Variants in VAV3 observed in about 807,000 individuals in gnomAD.
The protein encoded by VAV3 is guanine nucleotide exchange factor VAV3.
Under a neutral mutation model 131.2 loss-of-function variants are expected in VAV3, and 94 were observed. The ratio of observed to expected loss-of-function variants is 0.72; its 90% CI spans 0.61 to 0.85. The LOEUF is 0.85. Ranked by LOEUF, VAV3 falls within the 40% of genes least tolerant of loss-of-function variation. The pLI is 0.00. For missense variants in VAV3, 939 were observed against 1,002.7 expected, an observed-to-expected ratio of 0.94 and a Z score of 0.86; for synonymous variants, 349 against 342.0, an observed-to-expected ratio of 1.02 and a Z score of -0.22.
intron 2 of VAV3, among the ~76,000 whole-genome samples, chr1:107,813,336 C>A (rs980005031): frequency 6.6e-6 from 1 of 152,104 alleles, no homozygotes; most frequent in African/African-American, 2.4e-5. Context: ...CAGGAGACAG[C>A]ATGAGCAAAG....
intron 1 of VAV3, among the ~76,000 whole-genome samples, chr1:107,900,864 C>T (rs1671823507): frequency 6.6e-6 from 1 of 152,106 alleles, no homozygotes. Flanking sequence ...TTCAATTATA[C>T]AAGAAAATAG....
chr1:107,658,801 T>C (rs1222124892), intron 19 of VAV3, among the ~76,000 whole-genome samples: 1 of 152,222 alleles, frequency 6.6e-6, no homozygotes, highest in East Asian at 1.9e-4. Flanking sequence ...GGGTTGTTTG[T>C]TTTTATCTTG....
chr1:107,847,233 A>G (rs567573103), intron 2 of VAV3, among the ~76,000 whole-genome samples: 111 of 152,354 alleles, frequency 7.3e-4, no homozygotes, highest in African/African-American at 2.5e-3. Context: ...ATAAGAACAA[A>G]GAAACAATGT....
intron 1 of VAV3, among the ~76,000 whole-genome samples, chr1:107,945,835 A>AT (rs1298436253): frequency 1.5e-5 from 1 of 64,748 alleles, no homozygotes; most frequent in Non-Finnish European, 3.6e-5. Flanking sequence ...AAAAAAAAAA[A>AT]AAGAAAGAAA....
intron 2 of VAV3, among the ~76,000 whole-genome samples, chr1:107,843,365 AATAT>A (rs34150658): frequency 0.035 from 4,877 of 139,940 alleles, 74 homozygotes; most frequent in Admixed American, 0.054. Flanking sequence ...GCACAACACA[AATAT>A]ATATATATAT....
rs553268345 is a variant in VAV3, at chr1:107,878,293, T to C, written c.205-3276A>G. On this transcript the variant is annotated intron_variant, in intron 1 of 26. Transcript: ENST00000370056. ...AACAATACCATTATATCTAAGAAAA[T>C]TAACAATAATTTCATATTATCTAAT... 5.9e-5 allele frequency among the ~76,000 whole-genome samples: 9 copies of C among 152,156 alleles called. No homozygotes were observed. In the South Asian group the frequency reaches 1.4e-3, roughly 25 times the overall value.
chr1:107,819,985 G>C (rs994201118), intron 2 of VAV3, among the ~76,000 whole-genome samples: 9 of 152,260 alleles, frequency 5.9e-5, no homozygotes, highest in African/African-American at 2.2e-4. Flanking sequence ...ATGGAGAAAA[G>C]TGAACCCTCA....
intron 2 of VAV3, among the ~76,000 whole-genome samples, chr1:107,833,385 T>C (rs1443309627): frequency 6.6e-6 from 1 of 152,214 alleles, no homozygotes; most frequent in Non-Finnish European, 1.5e-5. Context: ...AAGAAAAGTT[T>C]GAAGCTAACA....
chr1:107,612,988 C>T (rs1195592273), intron 21 of VAV3, among the ~76,000 whole-genome samples: 2 of 152,132 alleles, frequency 1.3e-5, no homozygotes. Flanking sequence ...TTCTCCTGGG[C>T]AGTGCCTTCA....
At chr1:107,816,459 ATGCAGTCTTATACAGTCTTGAG>A (rs1667565586) in intron 2 of VAV3, among the ~76,000 whole-genome samples, 1 of 152,202 alleles carries the variant, frequency 6.6e-6, no homozygotes, top group African/African-American at 2.4e-5. Context: ...TACTGGCCAC[ATGCAGTCTTATACAGTCTTGAG>A]CAGTCCTGGC....
intron 23 of VAV3, 119 bp downstream of exon 23, chr1:107,602,928 G>T: frequency 1.4e-6 from 1 of 715,136 alleles, no homozygotes; most frequent in Non-Finnish European, 2.4e-6. Flanking sequence ...CTGGATAGAT[G>T]CATTATTTCT....
intron 19 of VAV3, among the ~76,000 whole-genome samples, chr1:107,664,940 G>A (rs965168426): frequency 3.9e-5 from 6 of 152,200 alleles, no homozygotes; most frequent in Admixed American, 3.9e-4. Context: ...AAAGAATTCA[G>A]TACATGTGGA....
At chr1:107,690,328 G>T (rs1433329950) in intron 17 of VAV3, among the ~76,000 whole-genome samples, 1 of 152,104 alleles carries the variant, frequency 6.6e-6, no homozygotes, top group African/African-American at 2.4e-5. Context: ...GGAAACAATG[G>T]TATTTACGGT....
intron 1 of VAV3, among the ~76,000 whole-genome samples, chr1:107,892,585 C>G (rs1487521333): frequency 7.4e-6 from 1 of 135,334 alleles, no homozygotes; most frequent in East Asian, 2.1e-4. Context: ...TCTTTGCTAC[C>G]TGAATTTAGG....
chr1:107,820,563 A>T (rs1470790358), intron 2 of VAV3, among the ~76,000 whole-genome samples: 1 of 152,206 alleles, frequency 6.6e-6, no homozygotes, highest in Non-Finnish European at 1.5e-5. Context: ...CAACAGAGTG[A>T]TTACAGTTAC....
chr1:107,633,896 A>T (rs1166267216), intron 20 of VAV3, among the ~76,000 whole-genome samples: 1 of 152,096 alleles, frequency 6.6e-6, no homozygotes, highest in South Asian at 2.1e-4. Flanking sequence ...CGGGCATTCG[A>T]GACCTTACAG....
chr1:107,892,841 T>C (rs1383809095), intron 1 of VAV3, among the ~76,000 whole-genome samples: 1 of 152,144 alleles, frequency 6.6e-6, no homozygotes, highest in East Asian at 1.9e-4. Flanking sequence ...GGCCTAGATT[T>C]CCCCCATCCC....
chr1:107,849,234 T>C (rs1389180661), intron 2 of VAV3, among the ~76,000 whole-genome samples: 2 of 147,432 alleles, frequency 1.4e-5, no homozygotes, highest in Non-Finnish European at 1.5e-5. Context: ...TTAAATTTCA[T>C]ATGCAACCAA....
At chr1:107,823,903 C>G (rs548421171) in intron 2 of VAV3, among the ~76,000 whole-genome samples, 6 of 152,260 alleles carry the variant, frequency 3.9e-5, no homozygotes, top group African/African-American at 1.4e-4. Context: ...GACAGCTCTC[C>G]AAGAAACCAA....
Sources: gnomAD v4.1 joint callset for allele counts (sites outside exome capture counted in the v4.1 genomes callset) on GRCh38, gnomAD v4.1.1 for gene constraint, MANE v1.5 for transcripts, NCBI Gene and HGNC (gene_info 2026-07-23, HGNC 2026-07-21) for gene names.